The following MLYCD variants were observed in gnomAD, a reference collection of about 807,000 sequenced individuals.
MLYCD encodes malonyl-CoA decarboxylase.
MLYCD carries 27 observed loss-of-function variants against 35.8 expected under a neutral mutation model. The observed-to-expected ratio is 0.75, with a 90% CI of 0.56 to 1.04. The LOEUF (loss-of-function observed/expected upper bound fraction) is 1.04. Among genes scored for constraint, MLYCD ranks in the 50% least tolerant of loss-of-function variants. MLYCD has a pLI of 0.00. For missense variants in MLYCD, 917 were observed against 665.1 expected (o/e 1.38, Z -4.17); for synonymous variants, 403 against 302.4 (o/e 1.33, Z -3.45).
chr16:83,904,307 G>A (rs1208225438), intron 1 of MLYCD, among the ~76,000 whole-genome samples: 1 of 152,178 alleles, frequency 6.6e-6, no homozygotes, highest in Non-Finnish European at 1.5e-5. Context: ...ATAAGTATCA[G>A]AGGAGTCCAT....
chr16:83,912,329 G>A lies in MLYCD; in HGVS notation c.910G>A (p.Gly304Arg). The A allele has an allele frequency of 2.5e-6, 4 of 1,614,152 alleles. No individual in the cohort carries two copies. The highest frequency in any genetic ancestry group is 2.2e-5 in the East Asian group (1 of 44,880). Residue 304 changes from glycine (G) to arginine (R), a missense_variant, in exon 4 of 5, where the codon GGA (glycine) becomes AGA (arginine). Coordinates refer to ENST00000262430, the MANE Select transcript of MLYCD (RefSeq NM_012213.3). ...TQQGLQGVEL[G>R]TFLIKRVVKE... ...GCAGGGACTCCAAGGGGTGGAGCTGGGAACATTCCTCATAAAGCGAGTCGT... is the reference window on the plus strand; with the variant it reads ...GCAGGGACTCCAAGGGGTGGAGCTGAGAACATTCCTCATAAAGCGAGTCGT...
intron 1 of MLYCD, among the ~76,000 whole-genome samples, chr16:83,901,677 C>A (rs1045885598): frequency 2.6e-5 from 4 of 152,122 alleles, no homozygotes; most frequent in African/African-American, 4.8e-5. Context: ...TTGGTTATCG[C>A]GTCATTGGGA....
Position 83,919,066 on chromosome 16 carries a change from AACACAGTGCACAGGAGAACACGCAC to A in MLYCD, c.*3591_*3615del, listed in dbSNP as rs1187046273. 3.6e-5 allele frequency: 5 copies of A among 138,722 alleles called. No homozygotes were observed. The highest frequency in any genetic ancestry group is 1.4e-4 in the Admixed American group (2 of 13,994). The allele number at this position is 138,722 out of a possible 1,614,324, so 8.6% of individuals were successfully genotyped here. A position where few individuals can be genotyped will look rare whatever the true frequency, so the allele number is the denominator to read the frequency against. The stretch of plus-strand genomic sequence containing the variant: ...AGTACACAGACACAGTGCACCGGAG[AACACAGTGCACAGGAGAACACGCAC>A]ACACAGTGCACAGAACACAGACACA... On this transcript the variant is annotated 3_prime_UTR_variant, in exon 5 of 5. Transcript: ENST00000262430.
chr16:83,915,675 C>T lies in MLYCD; in HGVS notation c.*186C>T, dbSNP rs1907358739. ...CCTCACCCTGGGCGTGACATGCACC[C>T]AGTGCAAGACGGTTGTGGGTGCGGG... is the stretch of plus-strand genomic sequence containing the variant. On this transcript the variant is annotated 3_prime_UTR_variant, in exon 5 of 5. Transcript: ENST00000262430. 1 of 1,477,944 alleles carries T rather than the reference C, an allele frequency of 6.8e-7. No individual in the cohort carries two copies. Among genetic ancestry groups the T allele is most frequent in the Non-Finnish European group, 9.0e-7 (1 of 1,116,714 alleles). The allele number at this position is 1,477,944 out of a possible 1,614,324, so 91.6% of individuals were successfully genotyped here. A position where few individuals can be genotyped will look rare whatever the true frequency, so the allele number is the denominator to read the frequency against.
chr16:83,905,586 G>T (rs1054882022), intron 1 of MLYCD, among the ~76,000 whole-genome samples: 3 of 152,160 alleles, frequency 2.0e-5, no homozygotes, highest in African/African-American at 7.2e-5. Context: ...CAGGATGGCT[G>T]CTCCAATGCC....
rs762343124 is a variant in MLYCD, at chr16:83,907,072, C to T, written c.614C>T (p.Pro205Leu). 82 of 1,613,888 alleles carry T rather than the reference C, an allele frequency of 5.1e-5. No individual in the cohort carries two copies. Among genetic ancestry groups the T allele is most frequent in the Middle Eastern group, 3.3e-4 (2 of 6,084 alleles). The stretch of plus-strand genomic sequence containing the variant: ...CTAGAACGGGTTACCTGGCATTCAC[C>T]GTGTGAAGTGCTTCAGAAAATCAGT... ...LNLERVTWHSPCEVLQKISEA... is the reference protein window; with the variant it reads ...LNLERVTWHSLCEVLQKISEA... The change falls in exon 2 of 5, where the codon CCG becomes CTG. Residue 205 changes from proline to leucine, a missense_variant. By Grantham distance (98) the Pro-to-Leu change is moderately conservative. Transcript: ENST00000262430.
Position 83,899,327 on chromosome 16 carries a change from G to A in MLYCD, c.183G>A (p.Pro61=). ...CCTACGAGCTGCGCGAGAAGACACC[G>A]GCGCCCGCCGAGGGTCAGTGCGCGG... ...TPAYELREKT[P]APAEGQCADF... Residue 61 remains proline, a synonymous_variant, in exon 1 of 5, where the codon CCG becomes CCA. Transcript: ENST00000262430. The A allele has an allele frequency of 6.7e-7, 1 of 1,502,678 alleles. No individual in the cohort carries two copies. The highest frequency in any genetic ancestry group is 8.8e-7 in the Non-Finnish European group (1 of 1,133,006). 93.1% of individuals were successfully genotyped at this position (1,502,678 alleles called of 1,614,324 possible).
intron 1 of MLYCD, among the ~76,000 whole-genome samples, chr16:83,903,847 TTG>T (rs1309888827): frequency 6.6e-6 from 1 of 152,184 alleles, no homozygotes; most frequent in Non-Finnish European, 1.5e-5. Flanking sequence ...TTCCCCGCAG[TTG>T]TGTTTCTCAG....
chr16:83,901,106 TAA>T, intron 1 of MLYCD, among the ~76,000 whole-genome samples: 1 of 152,358 alleles, frequency 6.6e-6, no homozygotes, highest in East Asian at 1.9e-4. Flanking sequence ...TTTACAGCGC[TAA>T]GTGTTACTGA....
chr16:83,909,926 T>C (rs1250303995), intron 3 of MLYCD, among the ~76,000 whole-genome samples: 1 of 152,000 alleles, frequency 6.6e-6, no homozygotes, highest in Non-Finnish European at 1.5e-5. Context: ...TGAGCCACCG[T>C]GCCCGGCTGA....
chr16:83,911,328 C>G (rs1425896784), intron 3 of MLYCD, among the ~76,000 whole-genome samples: 1 of 152,214 alleles, frequency 6.6e-6, no homozygotes, highest in Non-Finnish European at 1.5e-5. Context: ...GACTACGAGA[C>G]CTCATCTATG....
chr16:83,903,722 G>T (rs3785007), intron 1 of MLYCD, among the ~76,000 whole-genome samples: 1,704 of 152,156 alleles, frequency 0.011, 31 homozygotes, highest in African/African-American at 0.036. Context: ...AGCTGAGCCC[G>T]GAAGTTCAAG....
intron 1 of MLYCD, among the ~76,000 whole-genome samples, chr16:83,901,537 G>A (rs144971335): frequency 5.6e-4 from 85 of 152,302 alleles, no homozygotes; most frequent in African/African-American, 1.9e-3. Flanking sequence ...AGCTGAGAGG[G>A]TCCTCATATC....
In MLYCD at chr16:83,915,778, CTGG is replaced by C; in HGVS notation, c.*292_*294del. 1 of 1,304,386 alleles carries C rather than the reference CTGG, an allele frequency of 7.7e-7. No individual in the cohort carries two copies. The highest frequency in any genetic ancestry group is 1.6e-5 in the South Asian group (1 of 64,360). 80.8% of individuals were successfully genotyped at this position (1,304,386 alleles called of 1,614,324 possible). A position where few individuals can be genotyped will look rare whatever the true frequency, so the allele number is the denominator to read the frequency against. Reference sequence around the variant, plus strand: ...CCTTGGCCTGGCTCCCTGCCCGGGGCTGGTGCTGTGGTACCTACATCTTCAGGA... The same window carrying C: ...CCTTGGCCTGGCTCCCTGCCCGGGGCTGCTGTGGTACCTACATCTTCAGGA... On this transcript the variant is annotated 3_prime_UTR_variant, in exon 5 of 5. Coordinates refer to ENST00000262430, the MANE Select transcript of MLYCD (RefSeq NM_012213.3).
chr16:83,911,543 G>GA, intron 3 of MLYCD: 2 of 154,054 alleles, frequency 1.3e-5, no homozygotes, highest in Admixed American at 6.4e-5. Flanking sequence ...AAACGCTGCC[G>GA]TGAGAATGAG....
Position 83,899,567 on chromosome 16 carries a change from C to T in MLYCD, c.423C>T (p.Phe141=), listed in dbSNP as rs781702822. Residue 141 remains phenylalanine, a synonymous_variant, in exon 1 of 5, where the codon TTC becomes TTT. Coordinates refer to ENST00000262430, the MANE Select transcript of MLYCD (RefSeq NM_012213.3). Reference sequence around the variant, plus strand: ...TGGTGCCGCGCTATCGCGGCCTCTTCCACCACATCAGCAAGCTGGACGGCG... The same window carrying T: ...TGGTGCCGCGCTATCGCGGCCTCTTTCACCACATCAGCAAGCTGGACGGCG... ...YALVPRYRGL[F]HHISKLDGGV... 1 of 1,593,466 alleles carries T rather than the reference C, an allele frequency of 6.3e-7. No individual in the cohort carries two copies. The highest frequency in any genetic ancestry group is 1.1e-5 in the South Asian group (1 of 90,542).
chr16:83,912,318 G>T lies in MLYCD; in HGVS notation c.899G>T (p.Gly300Val), dbSNP rs768932836. Residue 300 changes from glycine to valine, a missense_variant, in exon 4 of 5, where the codon GGG (glycine) becomes GTG (valine). Transcript: ENST00000262430. ...AGCTTGACCCAGCAGGGACTCCAAG[G>T]GGTGGAGCTGGGAACATTCCTCATA... ...SISLTQQGLQ[G>V]VELGTFLIKR... The T allele has an allele frequency of 2.5e-6, 4 of 1,614,038 alleles. No homozygotes were observed. The highest frequency in any genetic ancestry group is 1.6e-4 in the Middle Eastern group (1 of 6,084).
At chr16:83,907,226 C>T in intron 2 of MLYCD, 127 bp downstream of exon 2, 2 of 863,096 alleles carry the variant, frequency 2.3e-6, no homozygotes, top group South Asian at 3.1e-5. Flanking sequence ...CTAATAAAAT[C>T]CAAACACAGT....
chr16:83,911,093 C>T (rs1907161865), intron 3 of MLYCD, among the ~76,000 whole-genome samples: 1 of 152,208 alleles, frequency 6.6e-6, no homozygotes, highest in Admixed American at 6.5e-5. Context: ...TCTCCTGCCT[C>T]AGCCTCCGTA....
Sources: allele counts gnomAD v4.1 joint callset (sites outside exome capture counted in the v4.1 genomes callset), GRCh38; gene constraint gnomAD v4.1.1; transcripts MANE v1.5; gene names NCBI Gene and HGNC (gene_info 2026-07-23, HGNC 2026-07-21).